AGO3: variants seen among roughly 807,000 people sequenced by gnomAD.
The protein encoded by AGO3 is protein argonaute-3.
Under a neutral mutation model 105.5 loss-of-function variants are expected in AGO3, and 16 were observed. The ratio of observed to expected loss-of-function variants is 0.15; its 90% confidence interval spans 0.10 to 0.23. AGO3 has a LOEUF of 0.23. Among genes scored for constraint, AGO3 ranks in the 10% least tolerant of loss-of-function variants. The pLI is 1.00. For missense variants in AGO3, 534 were observed against 1,088.0 expected (o/e 0.49, Z 7.16); for synonymous variants, 340 against 367.3 (o/e 0.93, Z 0.85).
In AGO3 at chr1:36,055,992, A is replaced by T. The variant is rs1390665885; in HGVS notation, c.*247A>T. On this transcript the variant is annotated 3_prime_UTR_variant, in exon 19 of 19. Transcript: ENST00000373191. The surrounding 1 kb of genome is among the most constrained non-coding windows in gnomAD (Gnocchi z 4.4). ...TGCGGTCTCCTATAGGAAGTATCGC[A>T]ATTGTTTTGTTTTCATTTCTTGTAG... is the stretch of plus-strand genomic sequence containing the variant. 7 of 329,034 alleles carry T rather than the reference A, an allele frequency of 2.1e-5. No homozygotes were observed. The highest frequency in any genetic ancestry group is 3.9e-5 in the Non-Finnish European group (7 of 180,322). The allele number at this position is 329,034 out of a possible 1,614,324, so 20.4% of individuals were successfully genotyped here.
chr1:35,955,490 A>G (rs1478643633), intron 2 of AGO3, among the ~76,000 whole-genome samples: 1 of 152,206 alleles, frequency 6.6e-6, no homozygotes, highest in Non-Finnish European at 1.5e-5. Context: ...AACTTTTCAG[A>G]TTAATGGTAC....
intron 17 of AGO3, among the ~76,000 whole-genome samples, chr1:36,047,230 C>T (rs967093706): frequency 4.0e-5 from 6 of 151,074 alleles, no homozygotes; most frequent in Admixed American, 1.3e-4. Context: ...GCAACAAGAG[C>T]GAAACTCTGC....
Position 35,996,753 on chromosome 1 carries a change from G to T in AGO3, c.659-7588G>T, listed in dbSNP as rs1365504185. ...ACCGTTGCACTCCAGCCTGGGCGACGAGCAAAACTCCATCTCAAAAAAAAA... is the reference window on the plus strand; with the variant it reads ...ACCGTTGCACTCCAGCCTGGGCGACTAGCAAAACTCCATCTCAAAAAAAAA... On this transcript the variant is annotated intron_variant, in intron 5 of 18. Transcript: ENST00000373191. Among the ~76,000 whole-genome samples, 6 of 142,986 alleles carry T rather than the reference G, an allele frequency of 4.2e-5. No individual in the cohort carries two copies. The East Asian group carries it at 1.2e-3, about 29-fold the overall frequency. The allele number at this position is 142,986 out of a possible 152,430, so 93.8% of individuals were successfully genotyped here. A position where few individuals can be genotyped will look rare whatever the true frequency, so the allele number is the denominator to read the frequency against.
intron 2 of AGO3, 35 bp from the exon 3 acceptor site, chr1:35,966,920 G>C (rs1435461700): frequency 6.4e-7 from 1 of 1,569,956 alleles, no homozygotes; most frequent in Non-Finnish European, 8.6e-7. Flanking sequence ...TCATCTTACA[G>C]AGGATTATGT....
In AGO3 at chr1:35,931,334, C is replaced by CCGTCGCGTCG. The variant is rs911158424; in HGVS notation, c.-90_-81dup. On this transcript the variant is annotated 5_prime_UTR_variant, in exon 1 of 19. Coordinates refer to ENST00000373191, the MANE Select transcript of AGO3 (RefSeq NM_024852.4). ...CCGCCTCGGGGCCGAGTGAGAGTGCCCGTCGCGTCGCGCCGCGTCGCCCCC... is the reference window on the plus strand; with the variant it reads ...CCGCCTCGGGGCCGAGTGAGAGTGCCCGTCGCGTCGCGTCGCGTCGCGCCGCGTCGCCCCC... The CCGTCGCGTCG allele has an allele frequency of 9.0e-5, 111 of 1,232,194 alleles. No homozygotes were observed. The highest frequency in any genetic ancestry group is 1.1e-4 in the Non-Finnish European group (105 of 938,736). The allele number at this position is 1,232,194 out of a possible 1,614,324, so 76.3% of individuals were successfully genotyped here.
At chr1:36,035,877 C>CA (rs1188174819) in intron 13 of AGO3, among the ~76,000 whole-genome samples, 1 of 151,698 alleles carries the variant, frequency 6.6e-6, no homozygotes, top group Non-Finnish European at 1.5e-5. Context: ...CTAAAAAATA[C>CA]AAAAAATTAG....
intron 1 of AGO3, among the ~76,000 whole-genome samples, chr1:35,932,637 A>G (rs993695550): frequency 1.3e-5 from 2 of 149,288 alleles, no homozygotes; most frequent in Admixed American, 1.3e-4. Flanking sequence ...TTCCTGCTCC[A>G]TTGTTTCGCT....
At chr1:35,970,729 GTTTATTTA>G (rs900321920) in intron 3 of AGO3, among the ~76,000 whole-genome samples, 10 of 150,712 alleles carry the variant, frequency 6.6e-5, no homozygotes, top group African/African-American at 2.2e-4. Flanking sequence ...CCCTCCCTTT[GTTTATTTA>G]TTTATTTATT....
chr1:36,001,595 T>C (rs193244193), intron 5 of AGO3, among the ~76,000 whole-genome samples: 57 of 152,314 alleles, frequency 3.7e-4, no homozygotes, highest in African/African-American at 1.3e-3. Context: ...TGTGCAGCAA[T>C]TAAAGGGTGT....
intron 6 of AGO3, chr1:36,005,609 C>A: frequency 2.0e-6 from 1 of 510,346 alleles, no homozygotes; most frequent in Non-Finnish European, 2.5e-6. Context: ...CATCTAAATG[C>A]CATGGTTTCC....
chr1:36,031,873 T>C (rs1158762551), intron 12 of AGO3, among the ~76,000 whole-genome samples: 1 of 149,620 alleles, frequency 6.7e-6, no homozygotes, highest in African/African-American at 2.5e-5. Context: ...CCAAATAATA[T>C]TCCATTGTTT....
At chr1:36,005,947 G>T (rs1402196675) in intron 6 of AGO3, 1 of 944,986 alleles carries the variant, frequency 1.1e-6, no homozygotes, top group African/African-American at 1.8e-5. Context: ...CCTGGGCAGA[G>T]AATTATCTAG....
At chr1:35,941,505 A>G (rs577347987) in intron 1 of AGO3, among the ~76,000 whole-genome samples, 1 of 152,310 alleles carries the variant, frequency 6.6e-6, no homozygotes, top group East Asian at 1.9e-4. Context: ...TACTGTAATC[A>G]AGATAATGTG....
chr1:36,003,720 A>ATATG (rs1368432240), intron 5 of AGO3, among the ~76,000 whole-genome samples: 8 of 133,244 alleles, frequency 6.0e-5, no homozygotes, highest in African/African-American at 2.0e-4. Context: ...ATATATATAT[A>ATATG]TATATATATA....
chr1:35,994,363 C>G (rs932994490), intron 5 of AGO3, among the ~76,000 whole-genome samples: 1 of 152,026 alleles, frequency 6.6e-6, no homozygotes, highest in Non-Finnish European at 1.5e-5. Context: ...AAATTTACAA[C>G]AAACTAGCAA....
At position 36,069,213 on chromosome 1, in the gene AGO3, C is replaced by G. The variant is rs1643131368; in HGVS notation, c.*13468C>G. On this transcript the variant is annotated 3_prime_UTR_variant, in exon 19 of 19. Transcript: ENST00000373191. ...CCAACTCCTGGGCCCAAACTATCCT[C>G]CTGCTTCAGCCTCCCAAGTAGCTGG... is the stretch of plus-strand genomic sequence containing the variant. 6.6e-6 allele frequency: 1 copy of G among 152,358 alleles called. No homozygotes were observed. The highest frequency in any genetic ancestry group is 6.5e-5 in the Admixed American group (1 of 15,270). The allele number at this position is 152,358 out of a possible 1,614,324, so 9.4% of individuals were successfully genotyped here.
rs973197078 is a variant in AGO3, at chr1:36,056,470, A to G, written c.*725A>G. 37 of 152,036 alleles carry G rather than the reference A, an allele frequency of 2.4e-4. No individual in the cohort carries two copies. The highest frequency in any genetic ancestry group is 8.7e-4 in the African/African-American group (36 of 41,400). The allele number at this position is 152,036 out of a possible 1,614,324, so 9.4% of individuals were successfully genotyped here. On this transcript the variant is annotated 3_prime_UTR_variant, in exon 19 of 19. Coordinates refer to ENST00000373191, the MANE Select transcript of AGO3 (RefSeq NM_024852.4). ...ATAAAATATGGCAAACTAGAATTCT[A>G]CTTTTATTTTGCATACCCTACTCCT...
intron 1 of AGO3, among the ~76,000 whole-genome samples, chr1:35,935,089 GC>G (rs1351459034): frequency 6.6e-6 from 1 of 152,128 alleles, no homozygotes; most frequent in Non-Finnish European, 1.5e-5. Context: ...GGCTTATGCT[GC>G]CCTGGAGTGA....
chr1:36,041,235 CTTTTTTTTTTTTT>C (rs958423621), intron 16 of AGO3, among the ~76,000 whole-genome samples: 1 of 86,420 alleles, frequency 1.2e-5, no homozygotes, highest in Non-Finnish European at 2.1e-5. Context: ...AATATGTTTT[CTTTTTTTTTTTTT>C]TTTTTTTTTT....
Sources: allele counts gnomAD v4.1 joint callset (sites outside exome capture counted in the v4.1 genomes callset), GRCh38; gene constraint gnomAD v4.1.1; non-coding constraint Gnocchi (gnomAD v3.1); transcripts MANE v1.5; gene names NCBI Gene and HGNC (gene_info 2026-07-23, HGNC 2026-07-21).